Variants in PALM2AKAP2 observed in about 807,000 individuals in gnomAD.
PALM2AKAP2 encodes the protein PALM2-AKAP2 fusion protein.
A neutral mutation model predicts 71.5 loss-of-function variants in PALM2AKAP2; 37 were observed. The observed-to-expected ratio is 0.52, with a 90% confidence interval of 0.40 to 0.68. The LOEUF (loss-of-function observed/expected upper bound fraction) is 0.68, where lower values mean the gene tolerates loss of function less well. PALM2AKAP2 is among the 30% of genes least tolerant of loss of function. PALM2AKAP2 has a pLI of 0.00. For synonymous variants in PALM2AKAP2, 468 were observed against 478.8 expected (o/e 0.98, Z 0.29); for missense variants, 1,224 against 1,191.8 (o/e 1.03, Z -0.40).
At chr9:109,748,914 T>C (rs1190676343) in intron 1 of PALM2AKAP2, among the ~76,000 whole-genome samples, 2 of 152,212 alleles carry the variant, frequency 1.3e-5, no homozygotes, top group Non-Finnish European at 2.9e-5. Context: ...TAATTTCCTA[T>C]TCTTATAAAG....
intron 1 of PALM2AKAP2, among the ~76,000 whole-genome samples, chr9:109,813,961 G>A (rs979208769): frequency 7.2e-5 from 11 of 152,018 alleles, no homozygotes; most frequent in South Asian, 2.1e-4. Flanking sequence ...TTGCTGGTTC[G>A]CATGTGCTCT....
intron 1 of PALM2AKAP2, among the ~76,000 whole-genome samples, chr9:109,732,119 G>T (rs760037004): frequency 6.6e-6 from 1 of 152,194 alleles, no homozygotes. Context: ...AATTACCTGC[G>T]TCATTATGTG....
At chr9:109,725,809 A>G (rs1828467417) in intron 1 of PALM2AKAP2, among the ~76,000 whole-genome samples, 1 of 152,226 alleles carries the variant, frequency 6.6e-6, no homozygotes, top group African/African-American at 2.4e-5. Context: ...AAAAGTAATA[A>G]GTTTTTATTG....
chr9:110,161,015 G>A (rs939188232), intron 3 of PALM2AKAP2, among the ~76,000 whole-genome samples: 2 of 152,050 alleles, frequency 1.3e-5, no homozygotes, highest in African/African-American at 4.8e-5. Context: ...CCATACTCTC[G>A]CTCAGTGTGT....
chr9:109,992,200 G>A (rs750439484), intron 6 of PALM2AKAP2, among the ~76,000 whole-genome samples: 6 of 152,124 alleles, frequency 3.9e-5, no homozygotes, highest in Non-Finnish European at 8.8e-5. Context: ...AGCATTGCTT[G>A]GCTTGTGGTA....
intron 1 of PALM2AKAP2, among the ~76,000 whole-genome samples, chr9:109,700,651 C>A (rs1173254358): frequency 6.6e-6 from 1 of 152,194 alleles, no homozygotes; most frequent in African/African-American, 2.4e-5. Flanking sequence ...ACTTTGTTGT[C>A]TCACTGGAAA....
At chr9:110,100,577 C>A (rs1273968468) in intron 1 of PALM2AKAP2, among the ~76,000 whole-genome samples, 5 of 152,098 alleles carry the variant, frequency 3.3e-5, no homozygotes, top group Non-Finnish European at 7.4e-5. Context: ...CTGCTATGTC[C>A]CAGATGGAAA....
rs569457075 is a variant in PALM2AKAP2 at position 109,882,554 on chromosome 9, G to A, written c.257+1873G>A. Among the ~76,000 whole-genome samples the A allele has an allele frequency of 2.6e-5, 4 of 152,264 alleles. No homozygotes were observed. In the South Asian group the frequency reaches 8.3e-4, roughly 32 times the overall value. ...TATATCATATACATATATATATAGA[G>A]AGAGAGTAGGTGTTATTATAGACAG... On this transcript the variant is annotated intron_variant, in intron 3 of 9. Coordinates refer to the PALM2AKAP2 transcript ENST00000302798.
At chr9:109,668,658 G>T (rs940713751) in intron 1 of PALM2AKAP2, among the ~76,000 whole-genome samples, 7 of 152,104 alleles carry the variant, frequency 4.6e-5, no homozygotes. Context: ...TTTGGTCTGT[G>T]GGCAAACTGA....
At chr9:109,681,699 G>A (rs889266483) in intron 1 of PALM2AKAP2, among the ~76,000 whole-genome samples, 14 of 152,118 alleles carry the variant, frequency 9.2e-5, no homozygotes, top group South Asian at 2.1e-4. Context: ...ACTGCAGAGC[G>A]AAGTATTTTA....
chr9:110,001,459 C>T (rs1832680005), intron 6 of PALM2AKAP2, among the ~76,000 whole-genome samples: 1 of 152,172 alleles, frequency 6.6e-6, no homozygotes, highest in African/African-American at 2.4e-5. Flanking sequence ...ACGCCTCCAG[C>T]TTTGTTCTTT....
intron 7 of PALM2AKAP2, among the ~76,000 whole-genome samples, chr9:110,020,345 C>G (rs1177555362): frequency 6.6e-6 from 1 of 152,102 alleles, no homozygotes; most frequent in Admixed American, 6.6e-5. Flanking sequence ...CCGAGGCCTC[C>G]CAGTCATGCT....
chr9:109,820,561 C>T (rs1827968599), intron 1 of PALM2AKAP2, among the ~76,000 whole-genome samples: 1 of 152,208 alleles, frequency 6.6e-6, no homozygotes, highest in Non-Finnish European at 1.5e-5. Flanking sequence ...GGAGATGACC[C>T]AAACATTTCT....
chr9:109,677,188 A>G (rs1038958192), intron 1 of PALM2AKAP2, among the ~76,000 whole-genome samples: 7 of 152,208 alleles, frequency 4.6e-5, no homozygotes, highest in African/African-American at 1.7e-4. Flanking sequence ...GAGAGAGAAT[A>G]AACAGCATGT....
intron 1 of PALM2AKAP2, 132 bp downstream of exon 1, chr9:109,780,665 G>A (rs1199747481): frequency 3.0e-6 from 4 of 1,345,156 alleles, no homozygotes; most frequent in Admixed American, 1.8e-5. Context: ...AACTCTGTCA[G>A]GGCTCAGCTA....
chr9:109,732,390 G>T (rs1302511779), intron 1 of PALM2AKAP2, among the ~76,000 whole-genome samples: 2 of 152,148 alleles, frequency 1.3e-5, no homozygotes, highest in Admixed American at 6.5e-5. Context: ...CCATGACAAG[G>T]TTCCTGTGAT....
At chr9:109,920,795 CAAATAAATAAAT>C (rs3063871) in intron 3 of PALM2AKAP2, among the ~76,000 whole-genome samples, 262 of 150,746 alleles carry the variant, frequency 1.7e-3, no homozygotes, top group African/African-American at 6.2e-3. Context: ...AATCACACCT[CAAATAAATAAAT>C]AAATAAATAA....
At chr9:110,009,651 T>C (rs552855020) in intron 6 of PALM2AKAP2, among the ~76,000 whole-genome samples, 26 of 150,702 alleles carry the variant, frequency 1.7e-4, no homozygotes, top group Non-Finnish European at 2.8e-4. Flanking sequence ...GAGGTGGAGC[T>C]TGCAGTGAGC....
Position 109,749,231 on chromosome 9 carries a change from C to T in PALM2AKAP2, c.6-31257C>T, listed in dbSNP as rs1278241964. The stretch of plus-strand genomic sequence containing the variant: ...AGTCCACTTGACAGATCATGATGCC[C>T]TTCAGAAGTACCCAGGTCTCTCACA... On this transcript the variant is annotated intron_variant, in intron 1 of 6. Transcript: ENST00000374531. Among the ~76,000 whole-genome samples the T allele has an allele frequency of 3.9e-5, 6 of 152,072 alleles. 1 individual carries two copies. The South Asian group carries it at 8.3e-4, about 21-fold the overall frequency.
Sources: allele counts gnomAD v4.1 joint callset (sites outside exome capture counted in the v4.1 genomes callset), GRCh38; gene constraint gnomAD v4.1.1; transcripts MANE v1.5; gene names NCBI Gene and HGNC (gene_info 2026-07-23, HGNC 2026-07-21).